The following CARD14 variants were observed in gnomAD, a reference collection of about 807,000 sequenced individuals.
The protein encoded by CARD14 is caspase recruitment domain-containing protein 14.
CARD14 carries 107 observed loss-of-function variants against 111.5 expected under a neutral mutation model. The observed-to-expected ratio is 0.96, with a 90% CI of 0.82 to 1.13. CARD14 has a LOEUF of 1.13. Among genes scored for constraint, CARD14 ranks in the 50% most tolerant of loss-of-function variants. The pLI is 0.00. For synonymous variants in CARD14, 617 were observed against 579.6 expected (o/e 1.06, Z -0.93); for missense variants, 1,322 against 1,362.3 (o/e 0.97, Z 0.47).
chr17:80,183,653 T>A (rs981031086), intron 6 of CARD14, among the ~76,000 whole-genome samples: 1 of 152,114 alleles, frequency 6.6e-6, no homozygotes, highest in Non-Finnish European at 1.5e-5. Flanking sequence ...GGGGGCCTGC[T>A]GGGGAGTCTG....
At position 80,189,673 on chromosome 17, in the gene CARD14, G is replaced by A. The variant is rs1036844914; in HGVS notation, c.844-80G>A. On this transcript the variant is annotated intron_variant, in intron 8 of 23. Coordinates refer to ENST00000648509, the MANE Select transcript of CARD14 (RefSeq NM_001366385.1). This position sits in a 1 kb window ranked among gnomAD's most constrained non-coding sequence, Gnocchi z 4.7. ...CCACACACCTGACCGTGCAGTTGCC[G>A]CCATCTTCTCGGGATTCTGCTTGCC... 17 of 1,415,474 alleles carry A rather than the reference G, an allele frequency of 1.2e-5. No individual in the cohort carries two copies. In the African/African-American group the frequency reaches 1.2e-4, roughly 10 times the overall value. 87.7% of individuals were successfully genotyped at this position (1,415,474 alleles called of 1,614,324 possible). A position where few individuals can be genotyped will look rare whatever the true frequency, so the allele number is the denominator to read the frequency against.
chr17:80,201,728 C>G lies in CARD14; in HGVS notation c.1852-16C>G. The G allele has an allele frequency of 6.2e-7, 1 of 1,613,880 alleles. No individual in the cohort carries two copies. The highest frequency in any genetic ancestry group is 8.5e-7 in the Non-Finnish European group (1 of 1,179,934). ...GTCCCGGGGGAAAGAGACTGACCTT[C>G]TCGACTTGCCCTCAGGTTGATTACG... On this transcript the variant is annotated splice_polypyrimidine_tract_variant and intron_variant, in intron 16 of 23. Transcript: ENST00000648509. This position sits in a 1 kb window ranked among gnomAD's most constrained non-coding sequence, Gnocchi z 5.0.
chr17:80,205,218 C>T lies in CARD14; in HGVS notation c.2569+13C>T. The T allele has an allele frequency of 6.2e-7, 1 of 1,604,474 alleles. No homozygotes were observed. Among genetic ancestry groups the T allele is most frequent in the Non-Finnish European group, 8.5e-7 (1 of 1,173,910 alleles). On this transcript the variant is annotated intron_variant, in intron 21 of 23. Transcript: ENST00000648509. ...AAGTGCCTGGCAGGTATGCTGTTGC[C>T]TGGGAATCCCTCTACCCCTTCCACC...
At position 80,201,764 on chromosome 17, in the gene CARD14, G is replaced by A; in HGVS notation, c.1872G>A (p.Glu624=). 1 of 1,614,074 alleles carries A rather than the reference G, an allele frequency of 6.2e-7. No individual in the cohort carries two copies. Among genetic ancestry groups the A allele is most frequent in the Non-Finnish European group, 8.5e-7 (1 of 1,179,974 alleles). The part of the protein sequence containing the change: ...QIVMVDYEAS[E]PLFKAVLEDT... ...CTCAGGTTGATTACGAAGCCTCAGA[G>A]CCCTTGTTCAAGGCAGTCCTGGAGG... Residue 624 remains glutamate (E), a synonymous_variant, in exon 17 of 24, where the codon GAG becomes GAA. Coordinates refer to ENST00000648509, the MANE Select transcript of CARD14 (RefSeq NM_001366385.1). The surrounding 1 kb of genome is among the most constrained non-coding windows in gnomAD (Gnocchi z 5.0).
rs2040192598 is a variant in CARD14 at position 80,182,071 on chromosome 17, G to A, written c.211+422G>A. On this transcript the variant is annotated intron_variant, in intron 5 of 23. Transcript: ENST00000648509. This position sits in a 1 kb window ranked among gnomAD's most constrained non-coding sequence, Gnocchi z 4.7. ...GCAAAGCTGGGGCCATAGAAAACAGGCAGTAGGTGGTAGCTGTCAACATGA... is the reference window on the plus strand; with the variant it reads ...GCAAAGCTGGGGCCATAGAAAACAGACAGTAGGTGGTAGCTGTCAACATGA... 1.3e-5 allele frequency among the ~76,000 whole-genome samples: 2 copies of A among 152,208 alleles called. No homozygotes were observed. The highest frequency in any genetic ancestry group is 2.9e-5 in the Non-Finnish European group (2 of 68,046).
In CARD14 at chr17:80,195,811, T is replaced by C; in HGVS notation, c.1594+159T>C. On this transcript the variant is annotated intron_variant, in intron 14 of 23. Transcript: ENST00000648509. The surrounding 1 kb of genome is among the most constrained non-coding windows in gnomAD (Gnocchi z 4.7). ...TGACCTTGGCCTCGACCTTGCACTT[T>C]GGGAAAGTCCCGCCTGCCAGCCAGC... 1 of 633,108 alleles carries C rather than the reference T, an allele frequency of 1.6e-6. No individual in the cohort carries two copies. The highest frequency in any genetic ancestry group is 2.7e-6 in the Non-Finnish European group (1 of 369,138). The allele number at this position is 633,108 out of a possible 1,614,324, so 39.2% of individuals were successfully genotyped here. A position where few individuals can be genotyped will look rare whatever the true frequency, so the allele number is the denominator to read the frequency against.
chr17:80,188,253 T>C lies in CARD14; in HGVS notation c.676-124T>C. 2 of 1,030,186 alleles carry C rather than the reference T, an allele frequency of 1.9e-6. No individual in the cohort carries two copies. The highest frequency in any genetic ancestry group is 2.7e-6 in the Non-Finnish European group (2 of 748,754). 63.8% of individuals were successfully genotyped at this position (1,030,186 alleles called of 1,614,324 possible). On this transcript the variant is annotated intron_variant, in intron 7 of 23. Transcript: ENST00000648509. The surrounding 1 kb of genome is among the most constrained non-coding windows in gnomAD (Gnocchi z 4.5). Reference sequence around the variant, plus strand: ...GAACCCTTTCGTGGGTTTTTCAGTCTCGAGGCAGGAAGCCCCCTGAGTGCT... The same window carrying C: ...GAACCCTTTCGTGGGTTTTTCAGTCCCGAGGCAGGAAGCCCCCTGAGTGCT...
chr17:80,200,418 G>A (rs1269072756), intron 16 of CARD14, among the ~76,000 whole-genome samples: 1 of 151,718 alleles, frequency 6.6e-6, no homozygotes, highest in East Asian at 1.9e-4. Flanking sequence ...TGTATTTTTA[G>A]TAGAGACAGG....
chr17:80,195,767 C>T lies in CARD14; in HGVS notation c.1594+115C>T, dbSNP rs2040692178. On this transcript the variant is annotated intron_variant, in intron 14 of 23. Coordinates refer to ENST00000648509, the MANE Select transcript of CARD14 (RefSeq NM_001366385.1). This position sits in a 1 kb window ranked among gnomAD's most constrained non-coding sequence, Gnocchi z 4.7. ...GGAAAGGGCAGATAGAAGCAGAGCT[C>T]AACTTCTGCCCTGGGCCTTGACCTT... 8.1e-6 allele frequency: 7 copies of T among 859,318 alleles called. No individual in the cohort carries two copies. Among genetic ancestry groups the T allele is most frequent in the Non-Finnish European group, 1.3e-5 (7 of 555,814 alleles). 53.2% of individuals were successfully genotyped at this position (859,318 alleles called of 1,614,324 possible).
intron 11 of CARD14, among the ~76,000 whole-genome samples, chr17:80,192,001 C>T (rs1166132742): frequency 6.6e-6 from 1 of 152,210 alleles, no homozygotes; most frequent in Non-Finnish European, 1.5e-5. Context: ...CCTCCCTCCG[C>T]ATGCGGAACC....
chr17:80,185,213 A>G (rs947628960), intron 7 of CARD14, among the ~76,000 whole-genome samples: 2 of 133,372 alleles, frequency 1.5e-5, no homozygotes, highest in African/African-American at 5.2e-5. Flanking sequence ...TACCCAGCTA[A>G]TTAAAAAAAA....
At chr17:80,191,561 G>A in intron 11 of CARD14, 89 bp downstream of exon 11, 2 of 1,509,256 alleles carry the variant, frequency 1.3e-6, no homozygotes, top group Non-Finnish European at 1.8e-6. Context: ...GGCCCATGGA[G>A]GCACTGGGAG....
chr17:80,191,891 G>A (rs1234459034), intron 11 of CARD14, among the ~76,000 whole-genome samples: 7 of 152,198 alleles, frequency 4.6e-5, no homozygotes, highest in African/African-American at 9.7e-5. Flanking sequence ...TACATGTAAC[G>A]GAGGGAGCGT....
At chr17:80,177,316 T>A (rs1343984043) in intron 2 of CARD14, among the ~76,000 whole-genome samples, 1 of 151,772 alleles carries the variant, frequency 6.6e-6, no homozygotes, top group African/African-American at 2.4e-5. Context: ...AACCTACACC[T>A]CCCAGGCTCA....
chr17:80,204,282 A>G lies in CARD14; in HGVS notation c.2339A>G (p.Lys780Arg), dbSNP rs772316441. 1 of 1,600,748 alleles carries G rather than the reference A, an allele frequency of 6.2e-7. No individual in the cohort carries two copies. Among genetic ancestry groups the G allele is most frequent in the Non-Finnish European group, 8.5e-7 (1 of 1,170,098 alleles). Reference sequence around the variant, plus strand: ...CGCATCGTCAGTATGGACAAAGCCAAGGCCAGCCCTCTGCGTTTGTCCTTT... The same window carrying G: ...CGCATCGTCAGTATGGACAAAGCCAGGGCCAGCCCTCTGCGTTTGTCCTTT... ...LVRIVSMDKA[K>R]ASPLRLSFDR... The change falls in exon 20 of 24, where the codon AAG becomes AGG. Residue 780 changes from lysine to arginine, a missense_variant. Lys to Arg is a conservative substitution (Grantham distance 26, BLOSUM62 2). Coordinates refer to ENST00000648509, the MANE Select transcript of CARD14 (RefSeq NM_001366385.1).
rs757238045 is a variant in CARD14, at chr17:80,182,807, T to C, written c.349+17T>C. ...ACTTTAGCGGTGAGAGCTCCGACTT[T>C]GACGGTTTGGCAGGCACTTCTAGGA... On this transcript the variant is annotated intron_variant, in intron 6 of 23. Coordinates refer to ENST00000648509, the MANE Select transcript of CARD14 (RefSeq NM_001366385.1). This position sits in a 1 kb window ranked among gnomAD's most constrained non-coding sequence, Gnocchi z 4.7. The C allele has an allele frequency of 1.2e-6, 2 of 1,613,856 alleles. No individual in the cohort carries two copies. The highest frequency in any genetic ancestry group is 1.1e-5 in the South Asian group (1 of 91,068).
In CARD14 at chr17:80,189,831, C is replaced by T. The variant is rs537507973; in HGVS notation, c.922C>T (p.Leu308=). 523 of 1,589,212 alleles carry T rather than the reference C, an allele frequency of 3.3e-4. 6 individuals carry two copies. The South Asian group carries it at 5.5e-3, about 17-fold the overall frequency. ...GGAGCTGGTGGAGCGCATCCACTCG[C>T]TGCGGGAGCGGGCCGTGGCTGCCGA... The part of the protein sequence containing the change: ...RQELVERIHS[L]RERAVAAERQ... The change falls in exon 9 of 24, where the codon CTG becomes TTG. Residue 308 remains leucine (L), a synonymous_variant. Coordinates refer to ENST00000648509, the MANE Select transcript of CARD14 (RefSeq NM_001366385.1). This position sits in a 1 kb window ranked among gnomAD's most constrained non-coding sequence, Gnocchi z 4.7.
Position 80,191,492 on chromosome 17 carries a change from C to T in CARD14, c.1239+20C>T. 6.2e-7 allele frequency: 1 copy of T among 1,603,642 alleles called. No individual in the cohort carries two copies. Among genetic ancestry groups the T allele is most frequent in the Non-Finnish European group, 8.5e-7 (1 of 1,172,368 alleles). On this transcript the variant is annotated intron_variant, in intron 11 of 23. Transcript: ENST00000648509. ...GGTGTGGTGAGTGTTCCCGGCTGAC[C>T]CGAGCTGGAGGCCAGGCAGGGGCTG...
At chr17:80,173,877 G>A (rs575206433) in intron 2 of CARD14, among the ~76,000 whole-genome samples, 4 of 152,174 alleles carry the variant, frequency 2.6e-5, no homozygotes, top group African/African-American at 9.6e-5. Flanking sequence ...GATTACAGGC[G>A]TGAACCATCG....
Sources: gnomAD v4.1 joint callset for allele counts (sites outside exome capture counted in the v4.1 genomes callset) on GRCh38, gnomAD v4.1.1 for gene constraint, Gnocchi (gnomAD v3.1) non-coding constraint, MANE v1.5 for transcripts, NCBI Gene and HGNC (gene_info 2026-07-23, HGNC 2026-07-21) for gene names.